Variants in KCNT2 observed in about 807,000 individuals in gnomAD.
The protein encoded by KCNT2 is potassium sodium-activated channel subfamily T member 2, also known as potassium channel subfamily T member 2.
KCNT2 carries 67 observed loss-of-function variants against 153.8 expected under a neutral mutation model. That is an observed-to-expected ratio of 0.44 (90% confidence interval 0.36 to 0.53). KCNT2 has a LOEUF of 0.53. KCNT2 is among the 20% of genes least tolerant of loss of function. KCNT2 has a pLI of 0.00. For synonymous variants in KCNT2, 500 were observed against 458.8 expected, an observed-to-expected ratio of 1.09 and a Z score of -1.15; for missense variants, 975 against 1,354.8, an observed-to-expected ratio of 0.72 and a Z score of 4.40.
At chr1:196,564,945 C>T (rs1659902802) in intron 1 of KCNT2, among the ~76,000 whole-genome samples, 1 of 151,712 alleles carries the variant, frequency 6.6e-6, no homozygotes, top group Non-Finnish European at 1.5e-5. Context: ...ACCCCTTATG[C>T]ATAGGCAACA....
At chr1:196,438,360 A>G (rs1222414618) in intron 8 of KCNT2, among the ~76,000 whole-genome samples, 2 of 151,904 alleles carry the variant, frequency 1.3e-5, no homozygotes, top group South Asian at 4.1e-4. Flanking sequence ...CTAAGGATTC[A>G]CTAACAAGTT....
At chr1:196,469,219 G>A (rs1196426357) in intron 5 of KCNT2, 151 bp from the exon 6 acceptor site, 1 of 519,684 alleles carries the variant, frequency 1.9e-6, no homozygotes, top group African/African-American at 1.9e-5. Flanking sequence ...ATGACTTTTA[G>A]AGATTATTTT....
intron 26 of KCNT2, among the ~76,000 whole-genome samples, chr1:196,239,389 T>A (rs1053563381): frequency 6.6e-6 from 1 of 151,752 alleles, no homozygotes; most frequent in African/African-American, 2.4e-5. Flanking sequence ...TGGAGAAAAA[T>A]TTAAAGATTG....
At chr1:196,416,264 G>A (rs1309267911) in intron 12 of KCNT2, among the ~76,000 whole-genome samples, 1 of 151,988 alleles carries the variant, frequency 6.6e-6, no homozygotes, top group East Asian at 1.9e-4. Flanking sequence ...ATTTGGATAT[G>A]CCAAAAAGAA....
At chr1:196,492,962 C>T (rs1679969195) in intron 1 of KCNT2, among the ~76,000 whole-genome samples, 1 of 152,104 alleles carries the variant, frequency 6.6e-6, no homozygotes, top group African/African-American at 2.4e-5. Context: ...ATAAAGCAAA[C>T]AACTCAATTA....
chr1:196,393,765 T>TC (rs1670684828), intron 13 of KCNT2, among the ~76,000 whole-genome samples: 1 of 151,440 alleles, frequency 6.6e-6, no homozygotes, highest in Non-Finnish European at 1.5e-5. Context: ...GGAGGGGAAT[T>TC]TATGAAGGGT....
chr1:196,595,290 A>G (rs1663914418), intron 1 of KCNT2, among the ~76,000 whole-genome samples: 1 of 152,148 alleles, frequency 6.6e-6, no homozygotes, highest in African/African-American at 2.4e-5. Flanking sequence ...AATGATATTA[A>G]TTCACTATAA....
At chr1:196,307,106 A>G (rs553249961) in intron 21 of KCNT2, among the ~76,000 whole-genome samples, 18 of 152,204 alleles carry the variant, frequency 1.2e-4, no homozygotes, top group African/African-American at 3.9e-4. Flanking sequence ...TGTGCAACTG[A>G]TAACTTTTTC....
intron 19 of KCNT2, 152 bp downstream of exon 19, chr1:196,326,565 T>A: frequency 2.3e-6 from 1 of 440,272 alleles, no homozygotes; most frequent in East Asian, 3.6e-5. Context: ...ATATTTTGTA[T>A]CACAGCACAG....
chr1:196,591,747 C>A (rs1663388760), intron 1 of KCNT2, among the ~76,000 whole-genome samples: 2 of 152,082 alleles, frequency 1.3e-5, no homozygotes, highest in Admixed American at 1.3e-4. Context: ...TGCATTATCC[C>A]ACATCATAAG....
At chr1:196,257,382 A>G in intron 26 of KCNT2, 1 of 976,820 alleles carries the variant, frequency 1.0e-6, no homozygotes, top group Non-Finnish European at 1.2e-6. Context: ...ACAAGAGAAA[A>G]GGGTAAATAT....
At chr1:196,437,240 A>G (rs1231134957) in intron 8 of KCNT2, among the ~76,000 whole-genome samples, 2 of 111,538 alleles carry the variant, frequency 1.8e-5, no homozygotes, top group African/African-American at 6.2e-5. Context: ...TTATATATAT[A>G]TATATTTATA....
intron 1 of KCNT2, among the ~76,000 whole-genome samples, chr1:196,561,399 G>A (rs910778515): frequency 3.3e-5 from 5 of 151,158 alleles, no homozygotes; most frequent in African/African-American, 1.2e-4. Context: ...GGGTGGGAGT[G>A]ATAAAGAAGA....
At chr1:196,345,889 T>C (rs942216574) in intron 14 of KCNT2, among the ~76,000 whole-genome samples, 9 of 152,108 alleles carry the variant, frequency 5.9e-5, no homozygotes, top group African/African-American at 1.2e-4. Context: ...TTACAAGACA[T>C]CATGGGGAAA....
chr1:196,321,661 C>T (rs1663325481), intron 19 of KCNT2, among the ~76,000 whole-genome samples: 1 of 151,872 alleles, frequency 6.6e-6, no homozygotes. Context: ...TAAATGAAGT[C>T]ACCTGAACCC....
chr1:196,607,734 T>A (rs187787875), intron 1 of KCNT2, among the ~76,000 whole-genome samples: 3 of 152,196 alleles, frequency 2.0e-5, no homozygotes, highest in Non-Finnish European at 4.4e-5. Flanking sequence ...GCCAAGTAGA[T>A]ACCTACTCAA....
intron 1 of KCNT2, among the ~76,000 whole-genome samples, chr1:196,527,136 G>A (rs1654337444): frequency 6.6e-6 from 1 of 152,140 alleles, no homozygotes; most frequent in Non-Finnish European, 1.5e-5. Flanking sequence ...TGGGAAAACT[G>A]TCTTCCAAGG....
At chr1:196,601,595 G>A (rs1192636327) in intron 1 of KCNT2, among the ~76,000 whole-genome samples, 1 of 152,166 alleles carries the variant, frequency 6.6e-6, no homozygotes, top group African/African-American at 2.4e-5. Flanking sequence ...AGTTTCTGTA[G>A]GGAGATGTTA....
chr1:196,446,681 C>T (rs141897053), intron 8 of KCNT2, among the ~76,000 whole-genome samples: 27 of 151,612 alleles, frequency 1.8e-4, no homozygotes, highest in East Asian at 7.8e-4. Flanking sequence ...GAGCCAGTTA[C>T]CTACAAGTAC....
Sources: allele counts gnomAD v4.1 joint callset (sites outside exome capture counted in the v4.1 genomes callset), GRCh38; gene constraint gnomAD v4.1.1; transcripts MANE v1.5; gene names NCBI Gene and HGNC (gene_info 2026-07-23, HGNC 2026-07-21).